MAST2: variants seen among roughly 807,000 people sequenced by gnomAD.
The protein encoded by MAST2 is microtubule-associated serine/threonine-protein kinase 2.
MAST2 carries 70 observed loss-of-function variants against 147.4 expected under a neutral mutation model. That is an observed-to-expected ratio of 0.47 (90% CI 0.39 to 0.58). The LOEUF is 0.58. MAST2 is among the 20% of genes least tolerant of loss of function. MAST2 has a pLI of 0.00. For synonymous variants in MAST2, 869 were observed against 896.8 expected, an observed-to-expected ratio of 0.97 and a Z score of 0.55; for missense variants, 2,080 against 2,302.3, an observed-to-expected ratio of 0.90 and a Z score of 1.98.
intron 3 of MAST2, among the ~76,000 whole-genome samples, chr1:45,875,689 G>C (rs1646577004): frequency 6.6e-6 from 1 of 152,120 alleles, no homozygotes; most frequent in African/African-American, 2.4e-5. Flanking sequence ...GGCCGAGCTT[G>C]ATGAATAATG....
At chr1:45,954,097 T>C (rs1255414250) in intron 4 of MAST2, among the ~76,000 whole-genome samples, 1 of 152,138 alleles carries the variant, frequency 6.6e-6, no homozygotes, top group Non-Finnish European at 1.5e-5. Context: ...TTCTAAAAGG[T>C]GCCTGCCAAG....
At chr1:45,814,190 T>G (rs1314851172) in intron 1 of MAST2, among the ~76,000 whole-genome samples, 2 of 152,176 alleles carry the variant, frequency 1.3e-5, no homozygotes, top group Non-Finnish European at 2.9e-5. Context: ...CTTTCTACTG[T>G]TATTTTAGAG....
intron 2 of MAST2, among the ~76,000 whole-genome samples, chr1:45,825,120 G>T (rs1644752190): frequency 1.3e-5 from 2 of 152,066 alleles, no homozygotes; most frequent in Non-Finnish European, 1.5e-5. Flanking sequence ...CCGCCTCCCG[G>T]ATTCATGCCA....
intron 3 of MAST2, among the ~76,000 whole-genome samples, chr1:45,850,200 A>G (rs1439198350): frequency 6.6e-6 from 1 of 152,118 alleles, no homozygotes; most frequent in Admixed American, 6.5e-5. Context: ...TCAAATGGTT[A>G]GTATGTGGAG....
At position 46,001,902 on chromosome 1, in the gene MAST2, G is replaced by T. The variant is rs1645289848; in HGVS notation, c.669-903G>T. 2.0e-5 allele frequency among the ~76,000 whole-genome samples: 3 copies of T among 152,118 alleles called. No individual in the cohort carries two copies. The South Asian group carries it at 6.2e-4, about 32-fold the overall frequency. On this transcript the variant is annotated intron_variant, in intron 6 of 28. Transcript: ENST00000361297. Reference sequence around the variant, plus strand: ...TATGAACTTATAAAGATCCTCCATTGCTGATAGTCTCAGGTTCTGTGAGTA... The same window carrying T: ...TATGAACTTATAAAGATCCTCCATTTCTGATAGTCTCAGGTTCTGTGAGTA...
chr1:45,856,229 G>A (rs1347882800), intron 3 of MAST2, among the ~76,000 whole-genome samples: 1 of 152,160 alleles, frequency 6.6e-6, no homozygotes, highest in African/African-American at 2.4e-5. Context: ...GGAGGCTGAG[G>A]TGGGGGGATT....
At chr1:46,007,883 C>T (rs914452474) in intron 8 of MAST2, among the ~76,000 whole-genome samples, 2 of 152,154 alleles carry the variant, frequency 1.3e-5, no homozygotes, top group African/African-American at 2.4e-5. Context: ...ACGTGTGCAC[C>T]GTCTTCCTTT....
chr1:45,854,821 T>G (rs969101989), intron 3 of MAST2, among the ~76,000 whole-genome samples: 5 of 152,236 alleles, frequency 3.3e-5, no homozygotes, highest in African/African-American at 1.2e-4. Context: ...GCTAAGGCCC[T>G]GTCCCATAAG....
intron 4 of MAST2, chr1:45,913,727 A>G: frequency 2.0e-6 from 2 of 1,009,724 alleles, no homozygotes; most frequent in Non-Finnish European, 2.4e-6. Flanking sequence ...AAGTTTGGGA[A>G]GCTTTTATAA....
At chr1:45,959,925 A>T (rs930157873) in intron 5 of MAST2, among the ~76,000 whole-genome samples, 4 of 152,154 alleles carry the variant, frequency 2.6e-5, no homozygotes, top group Admixed American at 1.3e-4. Context: ...AAGCAAGAGG[A>T]GTATGTGTTT....
At chr1:45,929,774 A>G (rs1405293880) in intron 4 of MAST2, among the ~76,000 whole-genome samples, 1 of 152,178 alleles carries the variant, frequency 6.6e-6, no homozygotes, top group Non-Finnish European at 1.5e-5. Flanking sequence ...GTTTGTTAAT[A>G]TATACATATG....
chr1:45,944,760 T>A (rs139612229), intron 4 of MAST2, among the ~76,000 whole-genome samples: 5 of 152,226 alleles, frequency 3.3e-5, no homozygotes, highest in Non-Finnish European at 7.3e-5. Flanking sequence ...TCATGGTATT[T>A]CCAGTATCTC....
At chr1:46,033,715 T>C (rs890098276) in intron 26 of MAST2, 87 bp from the exon 27 acceptor site, 48 of 1,536,316 alleles carry the variant, frequency 3.1e-5, no homozygotes, top group Non-Finnish European at 4.0e-5. Flanking sequence ...AGCTGTGGTA[T>C]AGCCATGCCA....
intron 3 of MAST2, among the ~76,000 whole-genome samples, chr1:45,877,343 C>T (rs1311336382): frequency 2.0e-5 from 3 of 152,140 alleles, no homozygotes; most frequent in Non-Finnish European, 2.9e-5. Context: ...TCTCCTGCCT[C>T]AATCTCCTGA....
rs948613937 is a variant in MAST2, at chr1:45,949,356, A to G, written c.501-10030A>G. Among the ~76,000 whole-genome samples, 69 of 152,236 alleles carry G rather than the reference A, an allele frequency of 4.5e-4. 1 individual carries two copies. The highest frequency in any genetic ancestry group is 6.3e-4 in the Non-Finnish European group (43 of 68,044). On this transcript the variant is annotated intron_variant, in intron 4 of 28. Coordinates refer to ENST00000361297, the MANE Select transcript of MAST2 (RefSeq NM_015112.3). Reference sequence around the variant, plus strand: ...GTCTAATATTCAGCATCTATAAGGAACTTAAACAAATTTACAGGAGAAAAA... The same window carrying G: ...GTCTAATATTCAGCATCTATAAGGAGCTTAAACAAATTTACAGGAGAAAAA...
chr1:45,819,148 G>A (rs769284611), intron 1 of MAST2, among the ~76,000 whole-genome samples: 5 of 151,890 alleles, frequency 3.3e-5, no homozygotes, highest in Non-Finnish European at 7.4e-5. Flanking sequence ...AGCTACTTGG[G>A]AGGCTGAGGC....
chr1:46,034,498 C>G, intron 28 of MAST2, 40 bp from the exon 29 acceptor site: 1 of 1,579,960 alleles, frequency 6.3e-7, no homozygotes, highest in Non-Finnish European at 8.6e-7. Flanking sequence ...GCTAACACTG[C>G]TCTGCTTTTG....
At chr1:45,833,825 A>G (rs576471047) in intron 3 of MAST2, among the ~76,000 whole-genome samples, 47 of 148,738 alleles carry the variant, frequency 3.2e-4, no homozygotes, top group Non-Finnish European at 5.0e-4. Flanking sequence ...CCTGAATCCA[A>G]TTTCTTCTCT....
At chr1:45,933,291 G>A (rs1655653302) in intron 4 of MAST2, among the ~76,000 whole-genome samples, 2 of 151,428 alleles carry the variant, frequency 1.3e-5, no homozygotes, top group Admixed American at 1.3e-4. Context: ...CCCATACTTA[G>A]GTTCACTGCT....
Sources: gnomAD v4.1 joint callset for allele counts (sites outside exome capture counted in the v4.1 genomes callset) on GRCh38, gnomAD v4.1.1 for gene constraint, MANE v1.5 for transcripts, NCBI Gene and HGNC (gene_info 2026-07-23, HGNC 2026-07-21) for gene names.